The following MIER3 variants were observed in gnomAD, a reference collection of about 807,000 sequenced individuals.
The protein encoded by MIER3 is MIER family member 3, also known as mesoderm induction early response protein 3.
Under a neutral mutation model 63.2 loss-of-function variants are expected in MIER3, and 9 were observed. That is an observed-to-expected ratio of 0.14 (90% CI 0.09 to 0.25). MIER3 has a LOEUF of 0.25. Ranked by LOEUF, MIER3 falls within the 10% of genes least tolerant of loss-of-function variation. The pLI is 1.00. For synonymous variants in MIER3, 205 were observed against 224.9 expected, an observed-to-expected ratio of 0.91 and a Z score of 0.79; for missense variants, 512 against 666.2, an observed-to-expected ratio of 0.77 and a Z score of 2.55.
intron 1 of MIER3, 105 bp downstream of exon 1, chr5:56,951,989 G>T: frequency 1.0e-6 from 1 of 996,862 alleles, no homozygotes; most frequent in Non-Finnish European, 1.3e-6. Context: ...GCCCCTCATG[G>T]GGCAGCGGAA....
At chr5:56,951,142 A>G (rs1751011386) in intron 1 of MIER3, among the ~76,000 whole-genome samples, 1 of 152,086 alleles carries the variant, frequency 6.6e-6, no homozygotes, top group South Asian at 2.1e-4. Flanking sequence ...CTTCCCCTGC[A>G]GCGTAGGCCA....
At chr5:56,950,075 C>A (rs186223048) in intron 2 of MIER3, among the ~76,000 whole-genome samples, 21 of 152,306 alleles carry the variant, frequency 1.4e-4, no homozygotes, top group African/African-American at 4.6e-4. Context: ...CTAAGATCGT[C>A]TCAGCTCAGA....
chr5:56,925,721 A>G (rs1218085334), intron 10 of MIER3, among the ~76,000 whole-genome samples: 1 of 152,196 alleles, frequency 6.6e-6, no homozygotes, highest in African/African-American at 2.4e-5. Flanking sequence ...TCAAAATCCC[A>G]GCAAGTTATT....
At chr5:56,937,329 G>A (rs2591969) in intron 5 of MIER3, among the ~76,000 whole-genome samples, 46,427 of 151,876 alleles carry the variant, frequency 0.31, 7,551 homozygotes, top group East Asian at 0.54. Flanking sequence ...TGTCTGCCTC[G>A]GCCTCCCAAA....
intron 9 of MIER3, among the ~76,000 whole-genome samples, chr5:56,930,448 G>T (rs1750220862): frequency 6.6e-6 from 1 of 152,112 alleles, no homozygotes; most frequent in Non-Finnish European, 1.5e-5. Flanking sequence ...CTTCCAGAAA[G>T]TAGAGGTGGC....
intron 1 of MIER3, among the ~76,000 whole-genome samples, chr5:56,951,649 C>A (rs1035656086): frequency 1.1e-4 from 16 of 151,858 alleles, no homozygotes; most frequent in Non-Finnish European, 1.8e-4. Flanking sequence ...GCGCACGACT[C>A]CCGCAGGGCA....
At position 56,950,642 on chromosome 5, in the gene MIER3, C is replaced by A; in HGVS notation, c.20G>T (p.Gly7Val). 6.2e-7 allele frequency: 1 copy of A among 1,613,758 alleles called. No homozygotes were observed. Among genetic ancestry groups the A allele is most frequent in the Non-Finnish European group, 8.5e-7 (1 of 1,179,810 alleles). Residue 7 changes from glycine to valine, a missense_variant, in exon 2 of 13, where the codon GGA becomes GTA. Around this residue, in one of 5 missense-constraint regions of MIER3, gnomAD observed 98 missense variants for 107.4 expected, o/e 0.91. Coordinates refer to ENST00000381199, the MANE Select transcript of MIER3 (RefSeq NM_001297599.2). ...ATAGGACAAACCTGGGCTCGAACTT[C>A]CAAAAGAAGCCTAGGAGAGAGAGAA... is the stretch of plus-strand genomic sequence containing the variant. MAEASFGSSSPVGSLSS... is the reference protein window; with the variant it reads MAEASFVSSSPVGSLSS...
In MIER3 at chr5:56,919,687, G is replaced by A. The variant is rs1276316637; in HGVS notation, c.*3441C>T. On this transcript the variant is annotated 3_prime_UTR_variant, in exon 13 of 13. Transcript: ENST00000381199. ...CAAAATAATGCTCAAAAAAATCAGT[G>A]TTTATGTACAAATATTAAAATCAAT... 6.6e-6 allele frequency: 1 copy of A among 152,588 alleles called. No homozygotes were observed. Among genetic ancestry groups the A allele is most frequent in the Non-Finnish European group, 1.5e-5 (1 of 68,016 alleles). The allele number at this position is 152,588 out of a possible 1,614,324, so 9.5% of individuals were successfully genotyped here. A position where few individuals can be genotyped will look rare whatever the true frequency, so the allele number is the denominator to read the frequency against.
rs181583703 is a variant in MIER3 at position 56,923,755 on chromosome 5, C to A, written c.1131G>T (p.Arg377=). The A allele has an allele frequency of 6.2e-7, 1 of 1,614,136 alleles. No individual in the cohort carries two copies. The highest frequency in any genetic ancestry group is 1.3e-5 in the African/African-American group (1 of 75,018). ...TVNASALTSN[R]PEPIPDQQLN... Reference sequence around the variant, plus strand: ...GCTGTTGATCAGGAATAGGCTCAGGCCGGTTAGAAGTTAAGGCTGAAGCAT... The same window carrying A: ...GCTGTTGATCAGGAATAGGCTCAGGACGGTTAGAAGTTAAGGCTGAAGCAT... Residue 377 remains arginine, a synonymous_variant, in exon 12 of 13, where the codon CGG becomes CGT. Transcript: ENST00000381199.
At position 56,923,698 on chromosome 5, in the gene MIER3, G is replaced by A. The variant is rs780218336; in HGVS notation, c.1188C>T (p.Asp396=). The A allele has an allele frequency of 2.8e-5, 46 of 1,614,208 alleles. No homozygotes were observed. The Admixed American group carries it at 7.7e-4, about 27-fold the overall frequency. The change falls in exon 12 of 13, where the codon GAC becomes GAT. Residue 396 remains aspartate, a synonymous_variant. Coordinates refer to ENST00000381199, the MANE Select transcript of MIER3 (RefSeq NM_001297599.2). ...LNILNSFTAS[D]LTALTNSVAT... The stretch of plus-strand genomic sequence containing the variant: ...GAAAGGTCTTCATTTTACCTGTCAA[G>A]TCACTGGCAGTGAAGGAGTTGAGAA...
In MIER3 at chr5:56,923,046, T is replaced by G. The variant is rs1749748150; in HGVS notation, c.*82A>C. 8.6e-7 allele frequency: 1 copy of G among 1,163,760 alleles called. No homozygotes were observed. The highest frequency in any genetic ancestry group is 1.2e-6 in the Non-Finnish European group (1 of 814,990). 72.1% of individuals were successfully genotyped at this position (1,163,760 alleles called of 1,614,324 possible). ...TGTCATAGTGAGAAAGGTTCAAACT[T>G]CCAGTGAAAGACTATGCAAACCTGA... On this transcript the variant is annotated 3_prime_UTR_variant, in exon 13 of 13. Transcript: ENST00000381199.
Position 56,935,438 on chromosome 5 carries a change from A to G in MIER3, c.585T>C (p.Gly195=). The part of the protein sequence containing the change: ...EIPPYLGEYD[G]NEKVYENEDQ... Reference sequence around the variant, plus strand: ...AAAAGCTTTCCTTACCTTTCTCATTACCATCGTACTCTCCAAGATAAGGGG... The same window carrying G: ...AAAAGCTTTCCTTACCTTTCTCATTGCCATCGTACTCTCCAAGATAAGGGG... The change falls in exon 7 of 13, where the codon GGT becomes GGC. Residue 195 remains glycine (G), a synonymous_variant. Coordinates refer to ENST00000381199, the MANE Select transcript of MIER3 (RefSeq NM_001297599.2). 6.3e-7 allele frequency: 1 copy of G among 1,583,780 alleles called. No homozygotes were observed.
chr5:56,944,635 T>G (rs551846397), intron 3 of MIER3, among the ~76,000 whole-genome samples: 1 of 152,362 alleles, frequency 6.6e-6, no homozygotes, highest in South Asian at 2.1e-4. Context: ...CTAACGCCTG[T>G]CTGATACCTT....
intron 2 of MIER3, among the ~76,000 whole-genome samples, chr5:56,949,046 A>T (rs1750925370): frequency 6.6e-6 from 1 of 152,168 alleles, no homozygotes; most frequent in Non-Finnish European, 1.5e-5. Flanking sequence ...GACTGAAAGG[A>T]CCTCAAAAGT....
At chr5:56,942,172 AGAT>A (rs1268712887) in intron 3 of MIER3, among the ~76,000 whole-genome samples, 2 of 152,344 alleles carry the variant, frequency 1.3e-5, no homozygotes. Flanking sequence ...ATTAGCATCT[AGAT>A]GATATTTAAA....
Position 56,950,625 on chromosome 5 carries a change from A to G in MIER3, c.34+3T>C. 6.2e-7 allele frequency: 1 copy of G among 1,613,990 alleles called. No homozygotes were observed. The highest frequency in any genetic ancestry group is 8.5e-7 in the Non-Finnish European group (1 of 1,179,926). Reference sequence around the variant, plus strand: ...ACCGAAGACGTAAGAAAATAGGACAAACCTGGGCTCGAACTTCCAAAAGAA... The same window carrying G: ...ACCGAAGACGTAAGAAAATAGGACAGACCTGGGCTCGAACTTCCAAAAGAA... On this transcript the variant is annotated splice_donor_region_variant and intron_variant, in intron 2 of 12. Coordinates refer to ENST00000381199, the MANE Select transcript of MIER3 (RefSeq NM_001297599.2).
intron 10 of MIER3, 105 bp downstream of exon 10, chr5:56,928,662 G>A (rs964369241): frequency 7.8e-6 from 5 of 642,510 alleles, no homozygotes; most frequent in Non-Finnish European, 1.3e-5. Context: ...ATGCTATAAG[G>A]GAACATTAGT....
intron 8 of MIER3, among the ~76,000 whole-genome samples, chr5:56,931,498 A>C (rs1391319034): frequency 6.6e-6 from 1 of 152,182 alleles, no homozygotes; most frequent in Non-Finnish European, 1.5e-5. Context: ...CTAAATATGT[A>C]TAATTAAATT....
At chr5:56,939,880 C>G (rs1376408603) in intron 3 of MIER3, among the ~76,000 whole-genome samples, 1 of 152,154 alleles carries the variant, frequency 6.6e-6, no homozygotes, top group Admixed American at 6.5e-5. Context: ...CACCATATAG[C>G]CTAGGTGTGT....
Sources: gnomAD v4.1 joint callset for allele counts (sites outside exome capture counted in the v4.1 genomes callset) on GRCh38, gnomAD v4.1.1 for gene constraint, gnomAD v4.1.1 regional missense constraint, MANE v1.5 for transcripts, NCBI Gene and HGNC (gene_info 2026-07-23, HGNC 2026-07-21) for gene names.